NBEA: variants seen among roughly 807,000 people sequenced by gnomAD.
NBEA encodes the protein neurobeachin.
A neutral mutation model predicts 343.4 loss-of-function variants in NBEA; 44 were observed. The observed-to-expected ratio is 0.13, with a 90% CI of 0.10 to 0.16. The LOEUF is 0.16. Among genes scored for constraint, NBEA ranks in the 10% least tolerant of loss-of-function variants. The pLI is 1.00. For missense variants in NBEA, 2,555 were observed against 3,631.3 expected (o/e 0.70, Z 7.62); for synonymous variants, 1,175 against 1,238.7 (o/e 0.95, Z 1.08).
intron 36 of NBEA, among the ~76,000 whole-genome samples, chr13:35,346,873 T>C (rs539217378): frequency 1.3e-5 from 2 of 152,254 alleles, no homozygotes; most frequent in Admixed American, 1.3e-4. Flanking sequence ...TACTGAGAAC[T>C]ATCTTGAGTT....
intron 36 of NBEA, among the ~76,000 whole-genome samples, chr13:35,317,229 T>G (rs544844875): frequency 6.6e-6 from 1 of 152,238 alleles, no homozygotes; most frequent in East Asian, 1.9e-4. Flanking sequence ...TCTTCTAGGG[T>G]TTTTATGGTT....
At chr13:35,610,979 T>G (rs2082493895) in intron 48 of NBEA, among the ~76,000 whole-genome samples, 1 of 151,622 alleles carries the variant, frequency 6.6e-6, no homozygotes, top group Non-Finnish European at 1.5e-5. Context: ...CAAATTAAAA[T>G]TAATCAAATT....
chr13:35,631,389 T>G (rs1412126194), intron 49 of NBEA, among the ~76,000 whole-genome samples: 2 of 152,090 alleles, frequency 1.3e-5, no homozygotes, highest in Non-Finnish European at 2.9e-5. Flanking sequence ...CACAGACTCT[T>G]GGAAAAAGCA....
chr13:35,327,164 A>T (rs1217292544), intron 36 of NBEA, among the ~76,000 whole-genome samples: 4 of 152,060 alleles, frequency 2.6e-5, no homozygotes, highest in Non-Finnish European at 1.5e-5. Flanking sequence ...GGGAATGCTT[A>T]TACACTGTTG....
At chr13:35,187,812 C>G (rs995977105) in intron 30 of NBEA, among the ~76,000 whole-genome samples, 1 of 152,084 alleles carries the variant, frequency 6.6e-6, no homozygotes, top group African/African-American at 2.4e-5. Flanking sequence ...ACGTTTCCAA[C>G]TTTATCTCAT....
At chr13:35,553,500 A>G (rs1229850819) in intron 43 of NBEA, among the ~76,000 whole-genome samples, 1 of 152,074 alleles carries the variant, frequency 6.6e-6, no homozygotes, top group Non-Finnish European at 1.5e-5. Flanking sequence ...TTCAATAAAT[A>G]TTGGTGGAAA....
intron 38 of NBEA, among the ~76,000 whole-genome samples, chr13:35,426,054 A>T (rs2044647186): frequency 6.6e-6 from 1 of 152,074 alleles, no homozygotes. Context: ...TGCACATGAG[A>T]TGGGTTTTCT....
At chr13:35,515,762 A>T (rs959800045) in intron 41 of NBEA, among the ~76,000 whole-genome samples, 15 of 149,908 alleles carry the variant, frequency 1.0e-4, no homozygotes, top group South Asian at 4.2e-4. Context: ...TTTTTTTTTT[A>T]AATTTAAATA....
intron 34 of NBEA, among the ~76,000 whole-genome samples, chr13:35,269,351 AC>A (rs1464670129): frequency 6.6e-6 from 1 of 152,160 alleles, no homozygotes; most frequent in African/African-American, 2.4e-5. Flanking sequence ...CTAGGAAAAA[AC>A]AACTTATGAC....
chr13:35,661,130 T>G (rs1346171799), intron 55 of NBEA, among the ~76,000 whole-genome samples: 1 of 152,048 alleles, frequency 6.6e-6, no homozygotes, highest in Non-Finnish European at 1.5e-5. Flanking sequence ...TCAAGAAAGG[T>G]CTTTGGCCTA....
At chr13:35,294,799 A>G (rs2036015070) in intron 35 of NBEA, among the ~76,000 whole-genome samples, 1 of 152,278 alleles carries the variant, frequency 6.6e-6, no homozygotes, top group South Asian at 2.1e-4. Flanking sequence ...ACCAACAATA[A>G]GATTGTCATG....
intron 58 of NBEA, 56 bp from the exon 59 acceptor site, chr13:35,670,845 T>C: frequency 1.6e-6 from 2 of 1,240,866 alleles, no homozygotes; most frequent in South Asian, 2.6e-5. Context: ...TAGTGTAAAA[T>C]AGCAACCACA....
chr13:35,094,851 G>A (rs1035943020), intron 10 of NBEA, among the ~76,000 whole-genome samples: 9 of 151,812 alleles, frequency 5.9e-5, no homozygotes, highest in East Asian at 3.9e-4. Context: ...TACTGATACC[G>A]TAAATCTGAT....
At chr13:35,245,399 T>C (rs1024456147) in intron 34 of NBEA, among the ~76,000 whole-genome samples, 7 of 152,186 alleles carry the variant, frequency 4.6e-5, no homozygotes, top group African/African-American at 1.7e-4. Context: ...ATTCATGCTT[T>C]AAAGAGTTTC....
At chr13:35,645,846 C>G in intron 49 of NBEA, 23 bp from the exon 50 acceptor site, 3 of 1,469,224 alleles carry the variant, frequency 2.0e-6, no homozygotes, top group Non-Finnish European at 1.9e-6. Context: ...CTTCATGTCT[C>G]ATTCTTTTTT....
chr13:35,049,067 C>A (rs1292663244), intron 5 of NBEA, among the ~76,000 whole-genome samples: 1 of 151,752 alleles, frequency 6.6e-6, no homozygotes, highest in African/African-American at 2.4e-5. Context: ...GTTCTATGAG[C>A]ATAACTGACA....
chr13:35,294,064 G>C (rs1225423484), intron 35 of NBEA, among the ~76,000 whole-genome samples: 1 of 152,028 alleles, frequency 6.6e-6, no homozygotes, highest in Non-Finnish European at 1.5e-5. Context: ...GCAAGTCTTA[G>C]TTAGGCATCT....
chr13:35,018,476 C>A (rs1167011135), intron 1 of NBEA, among the ~76,000 whole-genome samples: 1 of 151,984 alleles, frequency 6.6e-6, no homozygotes, highest in Non-Finnish European at 1.5e-5. Flanking sequence ...GTACTTACTA[C>A]TTTGTATCTC....
chr13:35,374,730 G>A (rs1270944709), intron 38 of NBEA, among the ~76,000 whole-genome samples: 1 of 152,058 alleles, frequency 6.6e-6, no homozygotes, highest in Non-Finnish European at 1.5e-5. Context: ...AATATATACA[G>A]TATTATATTT....
Sources: allele counts gnomAD v4.1 joint callset (sites outside exome capture counted in the v4.1 genomes callset), GRCh38; gene constraint gnomAD v4.1.1; transcripts MANE v1.5; gene names NCBI Gene and HGNC (gene_info 2026-07-23, HGNC 2026-07-21).